The following RFX2 variants were observed in gnomAD, a reference collection of about 807,000 sequenced individuals.
The protein encoded by RFX2 is DNA-binding protein RFX2.
Under a neutral mutation model 87.8 loss-of-function variants are expected in RFX2, and 20 were observed. The ratio of observed to expected loss-of-function variants is 0.23; its 90% confidence interval spans 0.16 to 0.33. The LOEUF is 0.33. Ranked by LOEUF, RFX2 falls within the 10% of genes least tolerant of loss-of-function variation. The pLI is 1.00. For synonymous variants in RFX2, 397 were observed against 431.3 expected, an observed-to-expected ratio of 0.92 and a Z score of 0.98; for missense variants, 767 against 1,012.3, an observed-to-expected ratio of 0.76 and a Z score of 3.29.
intron 13 of RFX2, among the ~76,000 whole-genome samples, chr19:6,003,778 CAAAAAAAAAAA>C (rs57470328): frequency 0.033 from 1,402 of 41,990 alleles, 21 homozygotes; most frequent in African/African-American, 0.097. Context: ...GACTCTGTCT[CAAAAAAAAAAA>C]AAAAAAAAAA....
intron 1 of RFX2, among the ~76,000 whole-genome samples, chr19:6,071,750 A>G (rs1265511679): frequency 2.0e-5 from 1 of 49,428 alleles, no homozygotes; most frequent in Non-Finnish European, 3.7e-5. Context: ...TTTTAAACTA[A>G]ATTAGTCCCA....
intron 1 of RFX2, among the ~76,000 whole-genome samples, chr19:6,085,446 C>T (rs560299971): frequency 1.3e-5 from 2 of 152,352 alleles, no homozygotes; most frequent in East Asian, 1.9e-4. Flanking sequence ...AATATCTACT[C>T]AAGTCCTCTG....
At chr19:6,062,915 C>T (rs551748387) in intron 1 of RFX2, among the ~76,000 whole-genome samples, 3 of 151,894 alleles carry the variant, frequency 2.0e-5, no homozygotes, top group East Asian at 1.9e-4. Flanking sequence ...ATCTGGGGGT[C>T]GCTCCCTGGC....
At position 6,044,467 on chromosome 19, in the gene RFX2, G is replaced by A. The variant is rs576917373; in HGVS notation, c.91-185C>T. Among the ~76,000 whole-genome samples the A allele has an allele frequency of 5.3e-5, 8 of 152,298 alleles. No homozygotes were observed. Among genetic ancestry groups the A allele is most frequent in the South Asian group, 2.1e-4 (1 of 4,824 alleles). ...CTCACACCGACCTGGGCAGACACAC[G>A]GCAGGTACGTGCAGGCACACAAACA... On this transcript the variant is annotated intron_variant, in intron 2 of 17. Coordinates refer to ENST00000303657, the MANE Select transcript of RFX2 (RefSeq NM_000635.4). This position sits in a 1 kb window ranked among gnomAD's most constrained non-coding sequence, Gnocchi z 5.3.
At chr19:6,034,160 C>T (rs187777358) in intron 5 of RFX2, among the ~76,000 whole-genome samples, 70 of 152,158 alleles carry the variant, frequency 4.6e-4, no homozygotes, top group South Asian at 3.9e-3. Flanking sequence ...GCCTCAACCT[C>T]CCCCAGCTCA....
intron 1 of RFX2, among the ~76,000 whole-genome samples, chr19:6,071,302 C>T (rs1043306374): frequency 6.6e-6 from 1 of 152,174 alleles, no homozygotes; most frequent in African/African-American, 2.4e-5. Flanking sequence ...GCAGAGCTCC[C>T]TGGCTCCAGA....
At chr19:5,995,067 G>A in intron 17 of RFX2, 117 bp from the exon 18 acceptor site, 1 of 773,098 alleles carries the variant, frequency 1.3e-6, no homozygotes, top group Non-Finnish European at 2.1e-6. Flanking sequence ...AGGATACATG[G>A]CAGCCTGTGG....
intron 1 of RFX2, among the ~76,000 whole-genome samples, chr19:6,077,401 C>T (rs1017792903): frequency 1.3e-5 from 2 of 152,164 alleles, no homozygotes; most frequent in African/African-American, 2.4e-5. Flanking sequence ...GTGGGCTGGG[C>T]TCTGCCACTG....
Position 6,096,469 on chromosome 19 carries a change from T to C in RFX2, c.-9+13924A>G, listed in dbSNP as rs538049473. Among the ~76,000 whole-genome samples the C allele has an allele frequency of 5.0e-3, 762 of 152,158 alleles. 3 individuals carry two copies. Among genetic ancestry groups the C allele is most frequent in the Non-Finnish European group, 8.8e-3 (601 of 68,016 alleles). On this transcript the variant is annotated intron_variant, in intron 1 of 17. Transcript: ENST00000303657. ...TGTTTTGTTTTGTTTTGTTTTGAGA[T>C]GGAGTCTTGCTCTGTCTCCCAGGCT... is the stretch of plus-strand genomic sequence containing the variant.
Position 5,999,726 on chromosome 19 carries a change from C to T in RFX2, c.1859+2089G>A, listed in dbSNP as rs180794200. On this transcript the variant is annotated intron_variant, in intron 15 of 17. Coordinates refer to ENST00000303657, the MANE Select transcript of RFX2 (RefSeq NM_000635.4). The surrounding 1 kb of genome is among the most constrained non-coding windows in gnomAD (Gnocchi z 4.1). Reference sequence around the variant, plus strand: ...AGACAAGTGAACAGATGACAGGTGACGGTCAATGCCAGGAGAAAGGCAGGG... The same window carrying T: ...AGACAAGTGAACAGATGACAGGTGATGGTCAATGCCAGGAGAAAGGCAGGG... Among the ~76,000 whole-genome samples, 29 of 152,172 alleles carry T rather than the reference C, an allele frequency of 1.9e-4. No homozygotes were observed. The highest frequency in any genetic ancestry group is 6.0e-4 in the African/African-American group (25 of 41,498).
At position 6,110,402 on chromosome 19, in the gene RFX2, G is replaced by C. The variant is rs1599944826; in HGVS notation, c.-18C>G. On this transcript the variant is annotated 5_prime_UTR_variant, in exon 1 of 18. Transcript: ENST00000303657. This position sits in a 1 kb window ranked among gnomAD's most constrained non-coding sequence, Gnocchi z 4.3. ...CGGTCGCATCGGTCACCTGGAGTTC[G>C]GGCCGGGAGTTCGGGCAGCGGCTCC... is the stretch of plus-strand genomic sequence containing the variant. The C allele has an allele frequency of 6.5e-6, 1 of 153,054 alleles. No homozygotes were observed. Among genetic ancestry groups the C allele is most frequent in the Non-Finnish European group, 1.5e-5 (1 of 68,656 alleles). The allele number at this position is 153,054 out of a possible 1,614,324, so 9.5% of individuals were successfully genotyped here.
chr19:6,066,271 A>G (rs1555778961), intron 1 of RFX2, among the ~76,000 whole-genome samples: 2 of 152,180 alleles, frequency 1.3e-5, no homozygotes, highest in Non-Finnish European at 1.5e-5. Context: ...ACTTCTTAAC[A>G]GGAACATTGA....
chr19:6,058,713 T>C (rs17842397), intron 1 of RFX2, among the ~76,000 whole-genome samples: 6,495 of 152,270 alleles, frequency 0.043, 473 homozygotes, highest in African/African-American at 0.15. Flanking sequence ...TTCGTAAGAA[T>C]TGGGCTTCTG....
intron 4 of RFX2, 143 bp downstream of exon 4, chr19:6,041,901 G>T: frequency 1.4e-6 from 1 of 730,516 alleles, no homozygotes; most frequent in Non-Finnish European, 2.5e-6. Context: ...ATATTGCCCA[G>T]TTTCCTAATA....
Position 6,063,553 on chromosome 19 carries a change from C to T in RFX2, c.-8-16049G>A, listed in dbSNP as rs1160223328. On this transcript the variant is annotated intron_variant, in intron 1 of 17. Coordinates refer to ENST00000303657, the MANE Select transcript of RFX2 (RefSeq NM_000635.4). This position sits in a 1 kb window ranked among gnomAD's most constrained non-coding sequence, Gnocchi z 4.0. ...AGCCCTCTGTCCCTCAAAGTCCACC[C>T]GCCCATGACAGCTAAGATTAAAGTG... is the stretch of plus-strand genomic sequence containing the variant. 2.0e-5 allele frequency among the ~76,000 whole-genome samples: 3 copies of T among 152,158 alleles called. No individual in the cohort carries two copies. Among genetic ancestry groups the T allele is most frequent in the African/African-American group, 2.4e-5 (1 of 41,418 alleles).
rs187663364 is a variant in RFX2 at position 6,003,669 on chromosome 19, T to C, written c.1500+532A>G. Among the ~76,000 whole-genome samples, 937 of 150,042 alleles carry C rather than the reference T, an allele frequency of 6.2e-3. 6 individuals carry two copies. The highest frequency in any genetic ancestry group is 8.2e-3 in the Non-Finnish European group (556 of 67,608). ...TGGCGGGCACCTGTAATCCCAGCTA[T>C]TCGGGAGGCTGAGGCAGGAGAATCG... On this transcript the variant is annotated intron_variant, in intron 13 of 17. Transcript: ENST00000303657.
intron 1 of RFX2, among the ~76,000 whole-genome samples, chr19:6,109,129 T>C (rs540100964): frequency 6.7e-6 from 1 of 149,028 alleles, no homozygotes; most frequent in South Asian, 2.1e-4. Flanking sequence ...TCGGAGAAAA[T>C]GCCTGGAGCA....
chr19:6,059,012 C>T (rs1458612915), intron 1 of RFX2, among the ~76,000 whole-genome samples: 2 of 151,842 alleles, frequency 1.3e-5, no homozygotes, highest in Non-Finnish European at 2.9e-5. Context: ...CAGAGTCTTG[C>T]TCTGTCACCC....
chr19:6,011,441 C>T lies in RFX2; in HGVS notation c.900-1190G>A, dbSNP rs1487695095. 3.9e-5 allele frequency among the ~76,000 whole-genome samples: 6 copies of T among 152,264 alleles called. No individual in the cohort carries two copies. The East Asian group carries it at 1.2e-3, about 29-fold the overall frequency. The stretch of plus-strand genomic sequence containing the variant: ...ACAGGGAGGCGGGAGACCATGCTGG[C>T]GAGGTGTGTGTAAACCACCTGGCTC... On this transcript the variant is annotated intron_variant, in intron 8 of 17. Transcript: ENST00000303657. This position sits in a 1 kb window ranked among gnomAD's most constrained non-coding sequence, Gnocchi z 4.8.
Sources: gnomAD v4.1 joint callset for allele counts (sites outside exome capture counted in the v4.1 genomes callset) on GRCh38, gnomAD v4.1.1 for gene constraint, Gnocchi (gnomAD v3.1) non-coding constraint, MANE v1.5 for transcripts, NCBI Gene and HGNC (gene_info 2026-07-23, HGNC 2026-07-21) for gene names.